The following PCSK5 variants were observed in gnomAD, a reference collection of about 807,000 sequenced individuals.
PCSK5 encodes proprotein convertase subtilisin/kexin type 5, also known as prohormone convertase 5.
PCSK5 carries 129 observed loss-of-function variants against 233.2 expected under a neutral mutation model. The observed-to-expected ratio is 0.55, with a 90% CI of 0.48 to 0.64. The LOEUF (loss-of-function observed/expected upper bound fraction) is 0.64, where lower values mean the gene tolerates loss of function less well. Ranked by LOEUF, PCSK5 falls within the 30% of genes least tolerant of loss-of-function variation. The pLI, the probability that PCSK5 is intolerant of heterozygous loss-of-function variation, is 0.00. For synonymous variants in PCSK5, 825 were observed against 879.2 expected, an observed-to-expected ratio of 0.94 and a Z score of 1.09; for missense variants, 2,076 against 2,430.1, an observed-to-expected ratio of 0.85 and a Z score of 3.06.
At chr9:76,249,730 C>A (rs1826741833) in intron 24 of PCSK5, among the ~76,000 whole-genome samples, 1 of 152,128 alleles carries the variant, frequency 6.6e-6, no homozygotes, top group African/African-American at 2.4e-5. Flanking sequence ...AGAGGTAAAG[C>A]ATTTGACTGC....
intron 1 of PCSK5, 76 bp downstream of exon 1, chr9:75,891,449 C>T (rs1307250012): frequency 1.7e-6 from 2 of 1,184,392 alleles, no homozygotes; most frequent in Non-Finnish European, 2.4e-6. Context: ...CGTGGAACCC[C>T]CTCCCCCTCT....
intron 2 of PCSK5, among the ~76,000 whole-genome samples, chr9:75,951,666 C>T (rs2131325111): frequency 6.6e-6 from 1 of 152,086 alleles, no homozygotes; most frequent in Non-Finnish European, 1.5e-5. Context: ...CCTCCTTATC[C>T]ACAGATTCCC....
intron 7 of PCSK5, among the ~76,000 whole-genome samples, chr9:76,090,621 G>T (rs917109945): frequency 1.3e-5 from 2 of 152,112 alleles, no homozygotes; most frequent in Non-Finnish European, 1.5e-5. Flanking sequence ...CCTCGTATTA[G>T]CCTGGGCTAC....
chr9:76,215,594 C>G (rs868580142), intron 20 of PCSK5, among the ~76,000 whole-genome samples: 1 of 152,058 alleles, frequency 6.6e-6, no homozygotes. Context: ...CCAAGGGAGA[C>G]GCTGAGGGCC....
At chr9:76,007,796 T>TTTTGTG (rs377671504) in intron 3 of PCSK5, among the ~76,000 whole-genome samples, 3 of 128,224 alleles carry the variant, frequency 2.3e-5, no homozygotes, top group African/African-American at 8.9e-5. Context: ...CCGGCTAATT[T>TTTTGTG]TGTGTGTGTG....
intron 9 of PCSK5, among the ~76,000 whole-genome samples, chr9:76,113,123 C>G (rs558952046): frequency 6.6e-6 from 1 of 152,154 alleles, no homozygotes; most frequent in African/African-American, 2.4e-5. Context: ...TGCCTCAACT[C>G]GTCTCTCATC....
At chr9:76,269,116 C>T (rs1182858734) in intron 24 of PCSK5, among the ~76,000 whole-genome samples, 1 of 152,212 alleles carries the variant, frequency 6.6e-6, no homozygotes, top group Non-Finnish European at 1.5e-5. Context: ...TGCTCCTCAG[C>T]CCCAACCAAT....
intron 24 of PCSK5, among the ~76,000 whole-genome samples, chr9:76,254,749 T>C (rs1370371104): frequency 2.6e-5 from 4 of 152,182 alleles, no homozygotes; most frequent in Non-Finnish European, 4.4e-5. Flanking sequence ...CATCTCTCAG[T>C]TTTTGAGTTA....
chr9:75,947,239 A>G (rs1435453570), intron 2 of PCSK5, among the ~76,000 whole-genome samples: 1 of 152,226 alleles, frequency 6.6e-6, no homozygotes, highest in Non-Finnish European at 1.5e-5. Context: ...TTGAAGAAAT[A>G]GAATACCTTC....
chr9:76,000,543 T>C (rs971115314), intron 3 of PCSK5, among the ~76,000 whole-genome samples: 1 of 152,212 alleles, frequency 6.6e-6, no homozygotes, highest in African/African-American at 2.4e-5. Flanking sequence ...GAGAAACTTC[T>C]CATCAATCAT....
intron 9 of PCSK5, among the ~76,000 whole-genome samples, chr9:76,124,015 T>G (rs1376568010): frequency 1.3e-5 from 2 of 152,206 alleles, no homozygotes; most frequent in African/African-American, 2.4e-5. Context: ...GATGCAACTC[T>G]TTTCATTAAT....
At chr9:76,321,359 C>G (rs528659729) in intron 30 of PCSK5, 63 bp from the exon 31 acceptor site, 24 of 886,562 alleles carry the variant, frequency 2.7e-5, no homozygotes, top group East Asian at 2.4e-4. Flanking sequence ...TCCTTTTCCC[C>G]AGGAATGAGT....
At chr9:76,046,866 A>G (rs957369900) in intron 5 of PCSK5, among the ~76,000 whole-genome samples, 5 of 151,878 alleles carry the variant, frequency 3.3e-5, no homozygotes, top group African/African-American at 1.2e-4. Context: ...GGCCAACTGT[A>G]GTTCTTAAGT....
intron 2 of PCSK5, among the ~76,000 whole-genome samples, chr9:75,975,742 A>G (rs1825988265): frequency 6.6e-6 from 1 of 152,212 alleles, no homozygotes; most frequent in Non-Finnish European, 1.5e-5. Context: ...TAAAACTTCA[A>G]CAATACTAAG....
rs140502985 is a variant in PCSK5, at chr9:76,071,450, A to G, written c.722-276A>G. Among the ~76,000 whole-genome samples the G allele has an allele frequency of 2.6e-3, 400 of 152,308 alleles. 3 individuals are homozygous for G. Among genetic ancestry groups the G allele is most frequent in the African/African-American group, 9.0e-3 (374 of 41,570 alleles). ...GTACTCACTCAAGAGAGGGATGAGAAGGGAGAGACTGTGGCAGCTGTTATA... is the reference window on the plus strand; with the variant it reads ...GTACTCACTCAAGAGAGGGATGAGAGGGGAGAGACTGTGGCAGCTGTTATA... On this transcript the variant is annotated intron_variant, in intron 6 of 37. Transcript: ENST00000674117.
chr9:75,928,638 TAA>T (rs1687658433), intron 1 of PCSK5, among the ~76,000 whole-genome samples: 1 of 128,586 alleles, frequency 7.8e-6, no homozygotes, highest in African/African-American at 2.9e-5. Flanking sequence ...TATATATATA[TAA>T]TCCTAGAAGG....
chr9:76,221,107 T>A (rs1825716007), intron 20 of PCSK5, among the ~76,000 whole-genome samples: 1 of 152,220 alleles, frequency 6.6e-6, no homozygotes, highest in African/African-American at 2.4e-5. Flanking sequence ...CAAAACAAAC[T>A]GCTTGTAAAA....
At chr9:75,952,169 C>A (rs1005766865) in intron 2 of PCSK5, among the ~76,000 whole-genome samples, 3 of 152,170 alleles carry the variant, frequency 2.0e-5, no homozygotes, top group African/African-American at 7.2e-5. Flanking sequence ...CCATCCACTT[C>A]CCCCTAAATA....
At chr9:75,976,563 C>A (rs1283458638) in intron 2 of PCSK5, among the ~76,000 whole-genome samples, 1 of 151,330 alleles carries the variant, frequency 6.6e-6, no homozygotes, top group African/African-American at 2.4e-5. Context: ...AGCCTGAAGT[C>A]TTTGAAATTA....
Sources: allele counts gnomAD v4.1 joint callset (sites outside exome capture counted in the v4.1 genomes callset), GRCh38; gene constraint gnomAD v4.1.1; transcripts MANE v1.5; gene names NCBI Gene and HGNC (gene_info 2026-07-23, HGNC 2026-07-21).